Variants in IQCJ observed in about 807,000 individuals in gnomAD.
IQCJ encodes the protein IQ motif containing J, also known as IQ domain-containing protein J.
A neutral mutation model predicts 11.0 loss-of-function variants in IQCJ; 9 were observed. The observed-to-expected ratio is 0.82, with a 90% CI of 0.49 to 1.43. IQCJ has a LOEUF of 1.43. Ranked by LOEUF, IQCJ falls within the 40% of genes most tolerant of loss-of-function variation. The pLI is 0.00. For missense variants in IQCJ, 146 were observed against 133.2 expected, an observed-to-expected ratio of 1.10 and a Z score of -0.47; for synonymous variants, 55 against 51.3, an observed-to-expected ratio of 1.07 and a Z score of -0.31.
intron 1 of IQCJ, among the ~76,000 whole-genome samples, chr3:159,182,014 T>C (rs538162435): frequency 2.6e-5 from 4 of 151,690 alleles, no homozygotes; most frequent in Non-Finnish European, 5.9e-5. Flanking sequence ...CCAAGCTTTA[T>C]GTGACTTGAC....
At chr3:159,143,000 C>T (rs1479313238) in intron 1 of IQCJ, among the ~76,000 whole-genome samples, 2 of 152,138 alleles carry the variant, frequency 1.3e-5, no homozygotes, top group Non-Finnish European at 2.9e-5. Context: ...AAAATAATTT[C>T]TGTGAAAACA....
At chr3:159,199,624 A>G (rs1185076277) in intron 1 of IQCJ, among the ~76,000 whole-genome samples, 2 of 152,164 alleles carry the variant, frequency 1.3e-5, no homozygotes, top group Non-Finnish European at 2.9e-5. Context: ...GCTGGTCTCT[A>G]TCTTGATTAG....
chr3:159,082,489 T>G (rs774242380), intron 1 of IQCJ, among the ~76,000 whole-genome samples: 1 of 151,536 alleles, frequency 6.6e-6, no homozygotes, highest in African/African-American at 2.4e-5. Context: ...GGGAAAGATA[T>G]GTGAAAAAGG....
chr3:159,198,701 A>G (rs1724139377), intron 1 of IQCJ, among the ~76,000 whole-genome samples: 1 of 152,202 alleles, frequency 6.6e-6, no homozygotes, highest in Non-Finnish European at 1.5e-5. Flanking sequence ...TTTTTGCTGT[A>G]TTAGACAAGA....
At chr3:159,070,939 A>G (rs1559972497) in intron 1 of IQCJ, among the ~76,000 whole-genome samples, 1 of 152,004 alleles carries the variant, frequency 6.6e-6, no homozygotes, top group African/African-American at 2.4e-5. Context: ...TTGCTTCATG[A>G]TAATGATTAT....
At chr3:159,166,541 C>T (rs1335454340) in intron 1 of IQCJ, among the ~76,000 whole-genome samples, 2 of 152,184 alleles carry the variant, frequency 1.3e-5, no homozygotes, top group Non-Finnish European at 2.9e-5. Flanking sequence ...AACTTTAACA[C>T]TAGCTCCTTT....
At chr3:159,117,171 T>A (rs1266005913) in intron 1 of IQCJ, among the ~76,000 whole-genome samples, 1 of 152,194 alleles carries the variant, frequency 6.6e-6, no homozygotes, top group Non-Finnish European at 1.5e-5. Context: ...CACATGAATG[T>A]CACTAATCCC....
At chr3:159,166,676 T>C (rs1461823597) in intron 1 of IQCJ, among the ~76,000 whole-genome samples, 1 of 152,122 alleles carries the variant, frequency 6.6e-6, no homozygotes, top group South Asian at 2.1e-4. Flanking sequence ...TTTATCAGAT[T>C]TTCTTCTGTG....
chr3:159,243,540 C>T (rs923422574), intron 1 of IQCJ, among the ~76,000 whole-genome samples: 7 of 151,540 alleles, frequency 4.6e-5, no homozygotes, highest in Non-Finnish European at 8.8e-5. Context: ...TAAATTTATA[C>T]GAAAGTCTAG....
chr3:159,231,078 G>A (rs534728585), intron 1 of IQCJ, among the ~76,000 whole-genome samples: 7 of 152,272 alleles, frequency 4.6e-5, no homozygotes, highest in East Asian at 1.9e-4. Flanking sequence ...AAGCTGGCAC[G>A]CCCCAGTTGG....
At chr3:159,142,357 T>C (rs1259393466) in intron 1 of IQCJ, among the ~76,000 whole-genome samples, 1 of 152,106 alleles carries the variant, frequency 6.6e-6, no homozygotes, top group East Asian at 1.9e-4. Context: ...CCCCACGGGC[T>C]TTGTCCGTGA....
chr3:159,101,266 T>C (rs1717886933), intron 1 of IQCJ, among the ~76,000 whole-genome samples: 1 of 148,986 alleles, frequency 6.7e-6, no homozygotes, highest in South Asian at 2.2e-4. Flanking sequence ...GCGCCCACTG[T>C]CTGGCACTCC....
intron 1 of IQCJ, among the ~76,000 whole-genome samples, chr3:159,142,578 G>A (rs1317667354): frequency 1.3e-5 from 2 of 151,962 alleles, no homozygotes; most frequent in African/African-American, 4.8e-5. Flanking sequence ...CACCATGCCC[G>A]GCTAATTTTT....
downstream of IQCJ, chr3:159,265,186 A>G: frequency 1.3e-6 from 2 of 1,592,566 alleles, no homozygotes; most frequent in Non-Finnish European, 1.7e-6. Context: ...TTAGTGAGCT[A>G]AGCTTGTTTT....
intron 1 of IQCJ, among the ~76,000 whole-genome samples, chr3:159,198,410 TTA>T (rs1179690599): frequency 6.6e-6 from 1 of 152,170 alleles, no homozygotes; most frequent in Non-Finnish European, 1.5e-5. Flanking sequence ...GAGGGAGCAT[TTA>T]CTTCCTGAGT....
intron 1 of IQCJ, among the ~76,000 whole-genome samples, chr3:159,211,634 T>C (rs1371844915): frequency 6.6e-6 from 1 of 152,210 alleles, no homozygotes; most frequent in African/African-American, 2.4e-5. Flanking sequence ...TGTGAATTAA[T>C]ATTAAATAGC....
chr3:159,184,174 C>A lies in IQCJ; in HGVS notation c.10-61669C>A, dbSNP rs539907466. On this transcript the variant is annotated intron_variant, in intron 1 of 3. Transcript: ENST00000397832. Reference sequence around the variant, plus strand: ...CATCTTCATCTTACATCATTCTCCCCCTAACTTACTATACTTAGGTTATGT... The same window carrying A: ...CATCTTCATCTTACATCATTCTCCCACTAACTTACTATACTTAGGTTATGT... Among the ~76,000 whole-genome samples the A allele has an allele frequency of 5.3e-5, 8 of 152,126 alleles. 1 individual carries two copies. In the South Asian group the frequency reaches 1.7e-3, roughly 32 times the overall value.
rs565313360 is a variant in IQCJ at position 159,224,277 on chromosome 3, A to G, written c.10-21566A>G. 7.7e-4 allele frequency among the ~76,000 whole-genome samples: 118 copies of G among 152,308 alleles called. 1 individual carries two copies. The highest frequency in any genetic ancestry group is 2.7e-3 in the African/African-American group (114 of 41,582). ...GAGTTATAGTAATAGGAGAAATAAT[A>G]GTAATTAGAAATACCCAATATTTAA... is the stretch of plus-strand genomic sequence containing the variant. On this transcript the variant is annotated intron_variant, in intron 1 of 3. Coordinates refer to ENST00000397832, the MANE Select transcript of IQCJ (RefSeq NM_001042706.3).
chr3:159,219,913 G>A (rs1725442966), intron 1 of IQCJ, among the ~76,000 whole-genome samples: 1 of 152,076 alleles, frequency 6.6e-6, no homozygotes, highest in Admixed American at 6.6e-5. Context: ...CGACTTAAGT[G>A]GGTTGCTTTC....
Sources: gnomAD v4.1 joint callset for allele counts (sites outside exome capture counted in the v4.1 genomes callset) on GRCh38, gnomAD v4.1.1 for gene constraint, MANE v1.5 for transcripts, NCBI Gene and HGNC (gene_info 2026-07-23, HGNC 2026-07-21) for gene names.